ABR: variants seen among roughly 807,000 people sequenced by gnomAD.
The protein encoded by ABR is ABR activator of RhoGEF and GTPase, also known as active breakpoint cluster region-related protein.
ABR carries 35 observed loss-of-function variants against 107.2 expected under a neutral mutation model. That is an observed-to-expected ratio of 0.33 (90% CI 0.25 to 0.43). ABR has a LOEUF of 0.43. ABR is among the 20% of genes least tolerant of loss of function. ABR has a pLI of 1.00. For synonymous variants in ABR, 498 were observed against 462.0 expected, an observed-to-expected ratio of 1.08 and a Z score of -1.00; for missense variants, 815 against 1,115.2, an observed-to-expected ratio of 0.73 and a Z score of 3.83.
rs2070735463 is a variant in ABR at position 1,012,801 on chromosome 17, G to A, written c.1852-4C>T. On this transcript the variant is annotated splice_polypyrimidine_tract_variant and splice_region_variant and intron_variant, in intron 17 of 22. Coordinates refer to ENST00000302538, the MANE Select transcript of ABR (RefSeq NM_021962.5). The stretch of plus-strand genomic sequence containing the variant: ...TCATGGAAAATTCCACTTTGATCTG[G>A]TTGGGGGGTGAGGCAGGTAAAGATT... The A allele has an allele frequency of 6.4e-7, 1 of 1,571,316 alleles. No homozygotes were observed. Among genetic ancestry groups the A allele is most frequent in the Non-Finnish European group, 8.7e-7 (1 of 1,155,914 alleles).
intron 1 of ABR, among the ~76,000 whole-genome samples, chr17:1,151,876 C>T (rs527629791): frequency 1.1e-4 from 17 of 152,310 alleles, no homozygotes; most frequent in Admixed American, 7.8e-4. Context: ...AAAAGTTAGC[C>T]GGGCGTGGTG....
rs550740865 is a variant in ABR at position 1,068,482 on chromosome 17, G to A, written c.1017-1240C>T. Among the ~76,000 whole-genome samples, 6 of 152,318 alleles carry A rather than the reference G, an allele frequency of 3.9e-5. No homozygotes were observed. In the South Asian group the frequency reaches 8.3e-4, roughly 21 times the overall value. On this transcript the variant is annotated intron_variant, in intron 9 of 22. Transcript: ENST00000302538. ...CAACCAGGGAGGGCTGAAGGGAGAGGCAAGATAGCCTGATGGTAAACGAGT... is the reference window on the plus strand; with the variant it reads ...CAACCAGGGAGGGCTGAAGGGAGAGACAAGATAGCCTGATGGTAAACGAGT...
intron 2 of ABR, chr17:1,109,063 C>G (rs1192538396): frequency 6.3e-7 from 1 of 1,593,550 alleles, no homozygotes; most frequent in East Asian, 2.4e-5. Flanking sequence ...CCTCTTCCTC[C>G]TCCATGGCAG....
intron 8 of ABR, 115 bp downstream of exon 8, chr17:1,072,499 C>T: frequency 4.0e-6 from 2 of 503,298 alleles, no homozygotes; most frequent in Non-Finnish European, 6.9e-6. Context: ...AGGGACCTGC[C>T]GCCCGTGTGT....
At chr17:1,079,118 T>C in intron 6 of ABR, 2 of 1,436,442 alleles carry the variant, frequency 1.4e-6, no homozygotes, top group South Asian at 2.9e-5. Context: ...AGCACGTTTG[T>C]AGCTGGCTGG....
At chr17:1,195,269 A>C (rs1353606408) in intron 1 of ABR, among the ~76,000 whole-genome samples, 2 of 119,948 alleles carry the variant, frequency 1.7e-5, no homozygotes, top group Non-Finnish European at 3.5e-5. Flanking sequence ...ATCGCGCCAC[A>C]GCACTCCAGC....
rs528311669 is a variant in ABR, at chr17:1,201,494, C to A, written c.838+27299G>T. Among the ~76,000 whole-genome samples, 3 of 152,240 alleles carry A rather than the reference C, an allele frequency of 2.0e-5. No individual in the cohort carries two copies. In the East Asian group the frequency reaches 5.8e-4, roughly 29 times the overall value. ...AGCGTGTATAACACGGGTACACACA[C>A]ACACAACACCTCTCTCCGGAGGGTA... On this transcript the variant is annotated intron_variant, in intron 1 of 22. Coordinates refer to the ABR transcript ENST00000574139.
At position 1,179,635 on chromosome 17, in the gene ABR, C is replaced by A; in HGVS notation, c.61+32G>T. 1 of 1,502,334 alleles carries A rather than the reference C, an allele frequency of 6.7e-7. No individual in the cohort carries two copies. The highest frequency in any genetic ancestry group is 8.9e-7 in the Non-Finnish European group (1 of 1,123,672). The allele number at this position is 1,502,334 out of a possible 1,614,324, so 93.1% of individuals were successfully genotyped here. On this transcript the variant is annotated intron_variant, in intron 1 of 22. Coordinates refer to ENST00000302538, the MANE Select transcript of ABR (RefSeq NM_021962.5). This position sits in a 1 kb window ranked among gnomAD's most constrained non-coding sequence, Gnocchi z 4.9. Reference sequence around the variant, plus strand: ...TCCATCCTGGGGTCCCGATCCCGATCCTGGGGTCCCGCCCCCGCCCGGCAC... The same window carrying A: ...TCCATCCTGGGGTCCCGATCCCGATACTGGGGTCCCGCCCCCGCCCGGCAC...
At chr17:1,159,757 A>T (rs1484491143) in intron 1 of ABR, among the ~76,000 whole-genome samples, 1 of 150,656 alleles carries the variant, frequency 6.6e-6, no homozygotes, top group Non-Finnish European at 1.5e-5. Flanking sequence ...AGAAGTAGGA[A>T]CGCAGTACTC....
intron 1 of ABR, among the ~76,000 whole-genome samples, chr17:1,140,093 G>A (rs894529968): frequency 1.3e-5 from 2 of 152,192 alleles, no homozygotes; most frequent in African/African-American, 4.8e-5. Context: ...TCAGGAAAAC[G>A]AAGCTGACTG....
At chr17:1,217,264 G>A (rs960284481) in intron 1 of ABR, among the ~76,000 whole-genome samples, 7 of 152,178 alleles carry the variant, frequency 4.6e-5, no homozygotes, top group Admixed American at 2.6e-4. Flanking sequence ...CAGCCGTGAC[G>A]CGTCTGTAAT....
At chr17:1,031,499 G>T in intron 16 of ABR, 1 of 784,348 alleles carries the variant, frequency 1.3e-6, no homozygotes, top group Non-Finnish European at 1.7e-6. Flanking sequence ...GGAGGGGGCG[G>T]GAGCGGGACC....
At chr17:1,088,462 TA>T (rs1339810822) in intron 4 of ABR, among the ~76,000 whole-genome samples, 1 of 81,346 alleles carries the variant, frequency 1.2e-5, no homozygotes, top group Non-Finnish European at 3.0e-5. Flanking sequence ...TTAATAATAA[TA>T]ATAATAATAA....
intron 4 of ABR, among the ~76,000 whole-genome samples, chr17:1,087,487 G>A (rs977623110): frequency 6.6e-6 from 1 of 151,972 alleles, no homozygotes; most frequent in Admixed American, 6.6e-5. Flanking sequence ...AGGCATTCAG[G>A]TCTCAGCTGC....
At chr17:1,041,226 CTT>C (rs1340981796) in intron 16 of ABR, among the ~76,000 whole-genome samples, 2 of 152,086 alleles carry the variant, frequency 1.3e-5, no homozygotes, top group Non-Finnish European at 2.9e-5. Flanking sequence ...CCTAAGTTCT[CTT>C]GTTTTCTTTA....
chr17:1,004,153 G>A lies in ABR; in HGVS notation c.*1927C>T, dbSNP rs1461435514. ...TTGGAAGCAAGCAGGAGCCTTCTGTGCCACACACCGACACTCGGATGCCAG... is the reference window on the plus strand; with the variant it reads ...TTGGAAGCAAGCAGGAGCCTTCTGTACCACACACCGACACTCGGATGCCAG... On this transcript the variant is annotated 3_prime_UTR_variant, in exon 23 of 23. Transcript: ENST00000302538. 1 of 152,222 alleles carries A rather than the reference G, an allele frequency of 6.6e-6. No homozygotes were observed. Among genetic ancestry groups the A allele is most frequent in the East Asian group, 1.9e-4 (1 of 5,192 alleles). The allele number at this position is 152,222 out of a possible 1,614,324, so 9.4% of individuals were successfully genotyped here.
In ABR at chr17:1,179,912, A is replaced by AAACCCTCCCG. The variant is rs1305681064; in HGVS notation, c.-195_-186dup. The stretch of plus-strand genomic sequence containing the variant: ...GGCGAGGGCGGGGCGGGAGCCCCCA[A>AAACCCTCCCG]AACCCTCCCGAACCCTCCCGGCCCC... On this transcript the variant is annotated 5_prime_UTR_variant, in exon 1 of 23. Transcript: ENST00000302538. The surrounding 1 kb of genome is among the most constrained non-coding windows in gnomAD (Gnocchi z 4.9). 1 of 503,524 alleles carries AAACCCTCCCG rather than the reference A, an allele frequency of 2.0e-6. No homozygotes were observed. The highest frequency in any genetic ancestry group is 3.9e-5 in the East Asian group (1 of 25,562). The allele number at this position is 503,524 out of a possible 1,614,324, so 31.2% of individuals were successfully genotyped here. A position where few individuals can be genotyped will look rare whatever the true frequency, so the allele number is the denominator to read the frequency against.
chr17:1,146,795 TGCCACCACTGCCACCAG>T (rs1225637934), intron 1 of ABR, among the ~76,000 whole-genome samples: 9 of 56,478 alleles, frequency 1.6e-4, no homozygotes, highest in East Asian at 2.4e-3. Flanking sequence ...ACTGCCACCA[TGCCACCACTGCCACCAG>T]GCCACCACTG....
intron 10 of ABR, among the ~76,000 whole-genome samples, chr17:1,064,844 T>C (rs1178559800): frequency 3.9e-5 from 5 of 129,050 alleles, no homozygotes; most frequent in African/African-American, 1.4e-4. Context: ...ACACTGTTGT[T>C]ACATGAACTG....
Sources: gnomAD v4.1 joint callset for allele counts (sites outside exome capture counted in the v4.1 genomes callset) on GRCh38, gnomAD v4.1.1 for gene constraint, Gnocchi (gnomAD v3.1) non-coding constraint, MANE v1.5 for transcripts, NCBI Gene and HGNC (gene_info 2026-07-23, HGNC 2026-07-21) for gene names.